The following CEP85L variants were observed in gnomAD, a reference collection of about 807,000 sequenced individuals.
CEP85L encodes the protein centrosomal protein 85L.
Under a neutral mutation model 100.3 loss-of-function variants are expected in CEP85L, and 60 were observed. The observed-to-expected ratio is 0.60, with a 90% CI of 0.49 to 0.74. The LOEUF is 0.74. CEP85L is among the 30% of genes least tolerant of loss of function. The probability of loss-of-function intolerance (pLI) is 0.00; values close to 1 mark genes in which losing one functional copy is unlikely to be tolerated. For synonymous variants in CEP85L, 319 were observed against 322.7 expected (o/e 0.99, Z 0.12); for missense variants, 973 against 936.2 (o/e 1.04, Z -0.51).
At chr6:118,544,143 G>A (rs1778064698) in intron 3 of CEP85L, among the ~76,000 whole-genome samples, 2 of 152,176 alleles carry the variant, frequency 1.3e-5, no homozygotes, top group Non-Finnish European at 2.9e-5. Context: ...AATTTAATAT[G>A]TCTGGAGAAA....
chr6:118,477,897 AGT>A (rs1773502653), intron 10 of CEP85L, among the ~76,000 whole-genome samples: 2 of 152,228 alleles, frequency 1.3e-5, no homozygotes, highest in East Asian at 3.9e-4. Flanking sequence ...TTAATTATAT[AGT>A]GTTTTGTGTT....
At chr6:118,632,853 A>G (rs1009549806) in intron 1 of CEP85L, among the ~76,000 whole-genome samples, 3 of 152,216 alleles carry the variant, frequency 2.0e-5, no homozygotes, top group Non-Finnish European at 2.9e-5. Context: ...CGGGCATTAA[A>G]CTTTTAAAGA....
chr6:118,504,101 C>T (rs1021130839), intron 5 of CEP85L, among the ~76,000 whole-genome samples: 8 of 152,090 alleles, frequency 5.3e-5, no homozygotes, highest in East Asian at 1.9e-4. Flanking sequence ...AGGCCGGGCG[C>T]GGTAGCTCAC....
intron 3 of CEP85L, chr6:118,548,376 T>C (rs1778335623): frequency 6.6e-6 from 1 of 152,144 alleles, no homozygotes; most frequent in African/African-American, 2.4e-5. Context: ...TATACTGTGA[T>C]GATCACAGCT....
chr6:118,543,201 C>T (rs904322530), intron 3 of CEP85L, among the ~76,000 whole-genome samples: 6 of 152,022 alleles, frequency 3.9e-5, no homozygotes, highest in Non-Finnish European at 8.8e-5. Flanking sequence ...GTTACACACA[C>T]GTCAAAGTGT....
At chr6:118,555,764 C>G (rs1217407023) in intron 3 of CEP85L, among the ~76,000 whole-genome samples, 1 of 151,956 alleles carries the variant, frequency 6.6e-6, no homozygotes, top group Non-Finnish European at 1.5e-5. Context: ...GTTATTAAGC[C>G]CAGTACCCAA....
chr6:118,658,269 G>T (rs894594657), intron 1 of CEP85L, among the ~76,000 whole-genome samples: 4 of 152,122 alleles, frequency 2.6e-5, no homozygotes, highest in Non-Finnish European at 5.9e-5. Flanking sequence ...ACAAAAAGAT[G>T]ATTTAGAGAT....
chr6:118,609,943 T>C lies in CEP85L; in HGVS notation c.232+22510A>G, dbSNP rs1203666942. ...AATTGTGAGGGTGGCAGTAGAAATA[T>C]CACTTCAGATAAGTCAGGAAACATT... On this transcript the variant is annotated intron_variant, in intron 2 of 12. Transcript: ENST00000368491. Among the ~76,000 whole-genome samples the C allele has an allele frequency of 4.0e-5, 6 of 151,656 alleles. No homozygotes were observed. In the South Asian group the frequency reaches 1.0e-3, roughly 26 times the overall value.
chr6:118,495,484 A>G (rs1438339049), intron 5 of CEP85L, among the ~76,000 whole-genome samples: 2 of 152,158 alleles, frequency 1.3e-5, no homozygotes, highest in African/African-American at 4.8e-5. Context: ...CTCTTTGCTC[A>G]GCACTTCTTC....
intron 2 of CEP85L, among the ~76,000 whole-genome samples, chr6:118,610,714 T>G (rs995187910): frequency 4.0e-5 from 6 of 151,662 alleles, no homozygotes; most frequent in African/African-American, 1.5e-4. Context: ...GAAAGGCACA[T>G]GATAATTGAA....
chr6:118,470,676 C>T (rs1204102857), intron 10 of CEP85L, 32 bp from the exon 11 acceptor site: 10 of 1,256,128 alleles, frequency 8.0e-6, no homozygotes, highest in Non-Finnish European at 1.0e-5. Flanking sequence ...GAAAGCAAAA[C>T]AGGTTAACAT....
intron 3 of CEP85L, among the ~76,000 whole-genome samples, chr6:118,526,724 A>G (rs1776985319): frequency 1.3e-5 from 2 of 152,234 alleles, no homozygotes; most frequent in African/African-American, 4.8e-5. Context: ...TTTACTTCTC[A>G]TTATATGCTA....
intron 2 of CEP85L, among the ~76,000 whole-genome samples, chr6:118,627,614 A>T (rs919167090): frequency 4.6e-5 from 7 of 152,230 alleles, no homozygotes; most frequent in Non-Finnish European, 7.3e-5. Context: ...GAGAGTTAAA[A>T]ATTCCAAAAC....
rs746172311 is a variant in CEP85L, at chr6:118,481,003, CT to C, written c.1746-491del. ...GTTGCATTTCTCTTTCATTTCTTTT[CT>C]TTTTTTTTTTAACTTTTATTTTAGG... On this transcript the variant is annotated intron_variant, in intron 8 of 12. Transcript: ENST00000368491. Among the ~76,000 whole-genome samples the C allele has an allele frequency of 1.6e-3, 227 of 145,238 alleles. 1 individual carries two copies. The highest frequency in any genetic ancestry group is 4.0e-3 in the African/African-American group (160 of 39,828).
chr6:118,496,191 TGAA>T (rs1160050212), intron 5 of CEP85L, among the ~76,000 whole-genome samples: 1 of 152,156 alleles, frequency 6.6e-6, no homozygotes, highest in Non-Finnish European at 1.5e-5. Context: ...AAATGTCACC[TGAA>T]TTTAGCAACA....
At chr6:118,600,296 T>TGGGGGGGGGGGGG (rs1554228034) in intron 2 of CEP85L, among the ~76,000 whole-genome samples, 1 of 34,174 alleles carries the variant, frequency 2.9e-5, no homozygotes, top group African/African-American at 9.0e-5. Context: ...TGAGCCTTCC[T>TGGGGGGGGGGGGG]GGGGGTGTGT....
intron 1 of CEP85L, among the ~76,000 whole-genome samples, chr6:118,678,249 C>T (rs2638552): frequency 0.45 from 69,021 of 152,132 alleles, 16,297 homozygotes; most frequent in African/African-American, 0.57. Context: ...ACTGGACTGG[C>T]TGCTCAGAAT....
chr6:118,506,705 T>A (rs1223704389), intron 5 of CEP85L, among the ~76,000 whole-genome samples: 3 of 152,190 alleles, frequency 2.0e-5, no homozygotes, highest in Non-Finnish European at 4.4e-5. Flanking sequence ...CATAGAAATG[T>A]GTTTTGTAGC....
intron 2 of CEP85L, among the ~76,000 whole-genome samples, chr6:118,593,619 T>C (rs757848310): frequency 9.3e-5 from 14 of 151,242 alleles, no homozygotes; most frequent in South Asian, 4.2e-4. Context: ...CCTACCAACA[T>C]TGGGGAATAC....
Sources: gnomAD v4.1 joint callset for allele counts (sites outside exome capture counted in the v4.1 genomes callset) on GRCh38, gnomAD v4.1.1 for gene constraint, MANE v1.5 for transcripts, NCBI Gene and HGNC (gene_info 2026-07-23, HGNC 2026-07-21) for gene names.